Variants in CNTN6 observed in about 807,000 individuals in gnomAD.
CNTN6 encodes the protein contactin-6.
A neutral mutation model predicts 122.8 loss-of-function variants in CNTN6; 137 were observed. The observed-to-expected ratio is 1.12, with a 90% CI of 0.97 to 1.29. The LOEUF is 1.29. Among genes scored for constraint, CNTN6 ranks in the 50% most tolerant of loss-of-function variants. The probability of loss-of-function intolerance (pLI) is 0.00; values close to 1 mark genes in which losing one functional copy is unlikely to be tolerated. For missense variants in CNTN6, 1,634 were observed against 1,223.4 expected (o/e 1.34, Z -5.01); for synonymous variants, 570 against 426.0 (o/e 1.34, Z -4.16).
chr3:1,245,223 T>TATATATAAC (rs2094548508), intron 4 of CNTN6, among the ~76,000 whole-genome samples: 1 of 18,804 alleles, frequency 5.3e-5, no homozygotes, highest in Non-Finnish European at 9.0e-5. Flanking sequence ...TATATATATA[T>TATATATAAC]ATATATATAT....
At chr3:1,358,295 C>T (rs895679315) in intron 12 of CNTN6, among the ~76,000 whole-genome samples, 10 of 151,880 alleles carry the variant, frequency 6.6e-5, no homozygotes, top group African/African-American at 2.4e-4. Flanking sequence ...CCCAAACCTG[C>T]AAACACTTGT....
At chr3:1,328,766 C>T (rs1701875111) in intron 10 of CNTN6, among the ~76,000 whole-genome samples, 2 of 151,670 alleles carry the variant, frequency 1.3e-5, no homozygotes, top group South Asian at 2.1e-4. Context: ...ATGGCATACC[C>T]GAAAGAACTT....
intron 4 of CNTN6, among the ~76,000 whole-genome samples, chr3:1,278,099 C>T (rs1692742588): frequency 6.6e-6 from 1 of 152,196 alleles, no homozygotes; most frequent in African/African-American, 2.4e-5. Context: ...TCACACCTTC[C>T]TTGGACAGAC....
intron 11 of CNTN6, among the ~76,000 whole-genome samples, chr3:1,341,345 A>G (rs768856528): frequency 9.2e-5 from 14 of 152,238 alleles, no homozygotes; most frequent in Middle Eastern, 6.8e-3. Context: ...TTTCTCAGGC[A>G]TCCCAAAATG....
intron 2 of CNTN6, among the ~76,000 whole-genome samples, chr3:1,155,314 A>T (rs2092938653): frequency 6.6e-6 from 1 of 152,202 alleles, no homozygotes; most frequent in Non-Finnish European, 1.5e-5. Flanking sequence ...GCACTCAATA[A>T]ATATTTAAAA....
chr3:1,118,821 T>G (rs1410267778), intron 1 of CNTN6, among the ~76,000 whole-genome samples: 1 of 152,048 alleles, frequency 6.6e-6, no homozygotes, highest in Non-Finnish European at 1.5e-5. Context: ...ACTGAAGACC[T>G]TGGTGTTAAT....
At chr3:1,216,360 T>C (rs1559530816) in intron 2 of CNTN6, among the ~76,000 whole-genome samples, 1 of 152,250 alleles carries the variant, frequency 6.6e-6, no homozygotes, top group Non-Finnish European at 1.5e-5. Context: ...CCTTCCCTTC[T>C]CTGAGCCTGA....
intron 4 of CNTN6, among the ~76,000 whole-genome samples, chr3:1,266,838 A>G (rs2094933331): frequency 6.6e-6 from 1 of 152,106 alleles, no homozygotes; most frequent in Non-Finnish European, 1.5e-5. Context: ...TTTGCCACCA[A>G]AACCAACACC....
intron 2 of CNTN6, among the ~76,000 whole-genome samples, chr3:1,154,532 C>T (rs533741665): frequency 4.6e-4 from 70 of 151,482 alleles, no homozygotes; most frequent in Admixed American, 1.5e-3. Flanking sequence ...CAACCTCTGC[C>T]TCCCAGGTTC....
intron 2 of CNTN6, among the ~76,000 whole-genome samples, chr3:1,191,514 G>A (rs976158870): frequency 2.0e-5 from 3 of 152,200 alleles, no homozygotes; most frequent in African/African-American, 7.2e-5. Flanking sequence ...AGAATCTCCT[G>A]CACATAGGAC....
Position 1,245,316 on chromosome 3 carries a change from AT to A in CNTN6, c.358+17324del, listed in dbSNP as rs1307108904. 8.1e-4 allele frequency among the ~76,000 whole-genome samples: 26 copies of A among 32,008 alleles called. 3 individuals are homozygous for A. In the East Asian group the frequency reaches 8.4e-3, roughly 10 times the overall value. The allele number at this position is 32,008 out of a possible 152,430, so 21.0% of individuals were successfully genotyped here. ...ATAACATATATATATATATATATATATATATATATATATATATATAGCATGG... is the reference window on the plus strand; with the variant it reads ...ATAACATATATATATATATATATATAATATATATATATATATATAGCATGG... On this transcript the variant is annotated intron_variant, in intron 4 of 22. Coordinates refer to ENST00000446702, the MANE Select transcript of CNTN6 (RefSeq NM_001289080.2).
chr3:1,204,082 A>T (rs890730227), intron 2 of CNTN6, among the ~76,000 whole-genome samples: 2 of 152,184 alleles, frequency 1.3e-5, no homozygotes, highest in Non-Finnish European at 2.9e-5. Flanking sequence ...CTAATGACAC[A>T]TTTCGCAGAA....
chr3:1,113,892 C>T (rs2125029716), intron 1 of CNTN6, among the ~76,000 whole-genome samples: 1 of 152,232 alleles, frequency 6.6e-6, no homozygotes, highest in East Asian at 1.9e-4. Context: ...AATCATCTTT[C>T]TAAGATATCT....
intron 4 of CNTN6, among the ~76,000 whole-genome samples, chr3:1,232,025 T>C (rs2094358554): frequency 6.6e-6 from 1 of 152,224 alleles, no homozygotes; most frequent in African/African-American, 2.4e-5. Context: ...TGTACTTGTG[T>C]GAGAGAACAT....
chr3:1,126,721 A>T (rs988401201), intron 1 of CNTN6, among the ~76,000 whole-genome samples: 2 of 151,864 alleles, frequency 1.3e-5, no homozygotes, highest in African/African-American at 4.8e-5. Flanking sequence ...CATTTTATTG[A>T]CTGGAAACAA....
intron 2 of CNTN6, among the ~76,000 whole-genome samples, chr3:1,213,644 G>C (rs1361932003): frequency 6.6e-6 from 1 of 151,678 alleles, no homozygotes; most frequent in Non-Finnish European, 1.5e-5. Context: ...ATACAGAAAA[G>C]ATATACTGTA....
At chr3:1,301,401 T>C (rs939257077) in intron 7 of CNTN6, among the ~76,000 whole-genome samples, 5 of 152,166 alleles carry the variant, frequency 3.3e-5, no homozygotes, top group Admixed American at 3.3e-4. Flanking sequence ...GGAAAATTAA[T>C]AGTTTAAAAA....
chr3:1,401,670 GA>G, intron 21 of CNTN6, 125 bp downstream of exon 21: 1 of 636,852 alleles, frequency 1.6e-6, no homozygotes, highest in Admixed American at 3.2e-5. Flanking sequence ...AAATTATTTT[GA>G]AAATACCATT....
chr3:1,336,126 T>TA (rs11319985), intron 11 of CNTN6, among the ~76,000 whole-genome samples: 77 of 150,916 alleles, frequency 5.1e-4, no homozygotes, highest in East Asian at 1.8e-3. Flanking sequence ...TCATTTTCCT[T>TA]AAAAAAAAAG....
Sources: allele counts gnomAD v4.1 joint callset (sites outside exome capture counted in the v4.1 genomes callset), GRCh38; gene constraint gnomAD v4.1.1; transcripts MANE v1.5; gene names NCBI Gene and HGNC (gene_info 2026-07-23, HGNC 2026-07-21).